SASH1: variants seen among roughly 807,000 people sequenced by gnomAD.
SASH1 encodes SAM and SH3 domain containing 1.
Under a neutral mutation model 125.2 loss-of-function variants are expected in SASH1, and 44 were observed. The ratio of observed to expected loss-of-function variants is 0.35; its 90% CI spans 0.28 to 0.45. SASH1 has a LOEUF of 0.45. Among genes scored for constraint, SASH1 ranks in the 20% least tolerant of loss-of-function variants. The pLI is 1.00. For missense variants in SASH1, 1,426 were observed against 1,614.5 expected, an observed-to-expected ratio of 0.88 and a Z score of 2.00; for synonymous variants, 639 against 649.1, an observed-to-expected ratio of 0.98 and a Z score of 0.24.
chr6:148,340,244 G>A (rs1363779074), upstream of SASH1, among the ~76,000 whole-genome samples: 1 of 152,102 alleles, frequency 6.6e-6, no homozygotes, highest in East Asian at 1.9e-4. Context: ...CAGCACTTTG[G>A]GAGGCTGAGG....
the SASH1 span, among the ~76,000 whole-genome samples, chr6:148,226,941 T>C: frequency 2.6e-5 from 4 of 152,300 alleles, no homozygotes; most frequent in Admixed American, 2.0e-4. Flanking sequence ...AGGTTAACCC[T>C]TAAGCTCCAT....
At chr6:148,496,646 CTT>C (rs1331489329) in intron 8 of SASH1, among the ~76,000 whole-genome samples, 2 of 152,128 alleles carry the variant, frequency 1.3e-5, no homozygotes, top group Non-Finnish European at 2.9e-5. Context: ...AATGCCAGCA[CTT>C]TGGGACGCTG....
chr6:148,439,645 C>T (rs1278763311), intron 2 of SASH1, among the ~76,000 whole-genome samples: 1 of 152,040 alleles, frequency 6.6e-6, no homozygotes, highest in African/African-American at 2.4e-5. Flanking sequence ...GGCGTGGTGG[C>T]GCATGCCTGT....
chr6:148,398,977 A>C (rs1784061415), intron 2 of SASH1, among the ~76,000 whole-genome samples: 2 of 152,102 alleles, frequency 1.3e-5, no homozygotes, highest in African/African-American at 4.8e-5. Context: ...ACATCAACAG[A>C]TCTCTTGGTG....
upstream of SASH1, among the ~76,000 whole-genome samples, chr6:148,272,074 C>T (rs1446579457): frequency 6.6e-6 from 1 of 151,944 alleles, no homozygotes; most frequent in Non-Finnish European, 1.5e-5. Context: ...TCCGAGAACC[C>T]GAAGAATGAA....
At chr6:148,348,487 A>C (rs1781589902) in intron 1 of SASH1, among the ~76,000 whole-genome samples, 1 of 152,108 alleles carries the variant, frequency 6.6e-6, no homozygotes, top group South Asian at 2.1e-4. Context: ...GGTCCTTTGC[A>C]TGCAGCTCTA....
intron 7 of SASH1, among the ~76,000 whole-genome samples, chr6:148,484,266 G>A (rs969237298): frequency 6.6e-6 from 1 of 152,144 alleles, no homozygotes; most frequent in African/African-American, 2.4e-5. Flanking sequence ...AAAAAATCAT[G>A]TCATGGACTT....
intron 1 of SASH1, among the ~76,000 whole-genome samples, chr6:148,387,430 C>CT (rs1783419452): frequency 6.6e-6 from 1 of 151,556 alleles, no homozygotes; most frequent in African/African-American, 2.4e-5. Flanking sequence ...TTTTCTTTTC[C>CT]TTTTTTCTTC....
At position 148,343,018 on chromosome 6, in the gene SASH1, C is replaced by T; in HGVS notation, c.-50C>T. ...GGGCAGGCTGCGCGCGGGTGCGGGG[C>T]GAGGGCGCCGCGGGGACTGGGACGC... On this transcript the variant is annotated 5_prime_UTR_variant, in exon 1 of 20. Coordinates refer to ENST00000367467, the MANE Select transcript of SASH1 (RefSeq NM_015278.5). 1 of 1,147,210 alleles carries T rather than the reference C, an allele frequency of 8.7e-7. No individual in the cohort carries two copies. Among genetic ancestry groups the T allele is most frequent in the Non-Finnish European group, 1.1e-6 (1 of 934,800 alleles). The allele number at this position is 1,147,210 out of a possible 1,614,324, so 71.1% of individuals were successfully genotyped here. A position where few individuals can be genotyped will look rare whatever the true frequency, so the allele number is the denominator to read the frequency against.
chr6:148,411,637 G>A (rs1204027901), intron 2 of SASH1, among the ~76,000 whole-genome samples: 4 of 152,060 alleles, frequency 2.6e-5, no homozygotes, highest in Non-Finnish European at 5.9e-5. Flanking sequence ...TTTGCCTCCC[G>A]GGTTCAAGCG....
chr6:148,544,555 C>G lies in SASH1; in HGVS notation c.3085C>G (p.Pro1029Ala). The change falls in exon 18 of 20, where the codon CCC becomes GCC. Residue 1029 changes from proline (P) to alanine (A), a missense_variant. Around this residue, in one of 3 missense-constraint regions of SASH1, gnomAD observed 634 missense variants for 694.4 expected, o/e 0.91. Transcript: ENST00000367467. The surrounding 1 kb of genome is among the most constrained non-coding windows in gnomAD (Gnocchi z 6.4). Reference protein sequence around the residue: ...LPVKRGSPASPTSPSDCPPAL... With the variant: ...LPVKRGSPASATSPSDCPPAL... ...AGTGAAAAGGGGCAGCCCCGCCAGC[C>G]CCACCAGCCCTAGCGACTGTCCCCC... The G allele has an allele frequency of 1.9e-6, 3 of 1,613,268 alleles. No homozygotes were observed. Among genetic ancestry groups the G allele is most frequent in the Non-Finnish European group, 1.7e-6 (2 of 1,179,930 alleles).
At chr6:148,420,014 AAATCCTTATTAATAT>A (rs1326526097) in intron 2 of SASH1, among the ~76,000 whole-genome samples, 2 of 152,238 alleles carry the variant, frequency 1.3e-5, no homozygotes, top group African/African-American at 4.8e-5. Flanking sequence ...GATGTTTCAA[AAATCCTTATTAATAT>A]AATACAGTAA....
chr6:148,436,265 C>T (rs545863598), intron 2 of SASH1, among the ~76,000 whole-genome samples: 3 of 152,116 alleles, frequency 2.0e-5, no homozygotes, highest in South Asian at 2.1e-4. Flanking sequence ...CCAAGGTGGG[C>T]GGATTGCTTG....
the SASH1 span, among the ~76,000 whole-genome samples, chr6:148,212,244 A>T: frequency 6.6e-6 from 1 of 152,204 alleles, no homozygotes; most frequent in African/African-American, 2.4e-5. Context: ...CACCAGATTA[A>T]GCAGGACACT....
intron 2 of SASH1, among the ~76,000 whole-genome samples, chr6:148,421,126 A>AAAAGG (rs1785044352): frequency 1.2e-5 from 1 of 82,296 alleles, no homozygotes; most frequent in African/African-American, 4.8e-5. Context: ...AGAAAGGAAG[A>AAAAGG]AAGGAAGGAA....
chr6:148,283,107 A>C (rs1173383013), intron 1 of SASH1, among the ~76,000 whole-genome samples: 1 of 152,212 alleles, frequency 6.6e-6, no homozygotes, highest in Non-Finnish European at 1.5e-5. Flanking sequence ...AAGTAATATT[A>C]GAAGATTTAC....
intron 4 of SASH1, among the ~76,000 whole-genome samples, chr6:148,446,169 C>T (rs1259424399): frequency 3.6e-5 from 5 of 139,568 alleles, no homozygotes; most frequent in African/African-American, 1.3e-4. Context: ...AGTGCAGTGG[C>T]GCGATCTTGG....
upstream of SASH1, among the ~76,000 whole-genome samples, chr6:148,337,975 G>T (rs571559405): frequency 6.6e-6 from 1 of 151,512 alleles, no homozygotes; most frequent in East Asian, 2.0e-4. Flanking sequence ...ACAGAAGGAC[G>T]ATTTCAATGA....
At chr6:148,400,675 C>T (rs552347687) in intron 2 of SASH1, among the ~76,000 whole-genome samples, 151 of 152,246 alleles carry the variant, frequency 9.9e-4, no homozygotes, top group African/African-American at 3.2e-3. Flanking sequence ...CACTTAAACC[C>T]GGGAAGTTGA....
Sources: gnomAD v4.1 joint callset for allele counts (sites outside exome capture counted in the v4.1 genomes callset) on GRCh38, gnomAD v4.1.1 for gene constraint, gnomAD v4.1.1 regional missense constraint, Gnocchi (gnomAD v3.1) non-coding constraint, MANE v1.5 for transcripts, NCBI Gene and HGNC (gene_info 2026-07-23, HGNC 2026-07-21) for gene names.